SHOC1: variants seen among roughly 807,000 people sequenced by gnomAD.
SHOC1 encodes the protein shortage in chiasmata 1.
SHOC1 carries 136 observed loss-of-function variants against 179.2 expected under a neutral mutation model. That is an observed-to-expected ratio of 0.76 (90% confidence interval 0.66 to 0.87). The LOEUF (loss-of-function observed/expected upper bound fraction) is 0.87. Ranked by LOEUF, SHOC1 falls within the 40% of genes least tolerant of loss-of-function variation. The pLI is 0.00. For missense variants in SHOC1, 1,538 were observed against 1,700.8 expected, an observed-to-expected ratio of 0.90 and a Z score of 1.68; for synonymous variants, 489 against 586.6, an observed-to-expected ratio of 0.83 and a Z score of 2.41.
chr9:111,738,370 G>C lies in SHOC1; in HGVS notation c.1327C>G (p.His443Asp), dbSNP rs373320053. ...TCATGACATAAATATGTATTCAGAT[G>C]TTCCAATGTTTCCATCATTTTCAGA... Reference protein sequence around the residue: ...LNLKMMETLEHLNTYLCHDNL... With the variant: ...LNLKMMETLEDLNTYLCHDNL... Residue 443 changes from histidine (H) to aspartate (D), a missense_variant, in exon 12 of 28, where the codon CAT becomes GAT. Physicochemically the swap from His to Asp is moderately conservative, Grantham distance 81. Transcript: ENST00000682961. 6.2e-7 allele frequency: 1 copy of C among 1,612,832 alleles called. No individual in the cohort carries two copies. The highest frequency in any genetic ancestry group is 8.5e-7 in the Non-Finnish European group (1 of 1,179,580).
At chr9:111,709,603 T>C (rs766955961) in intron 18 of SHOC1, among the ~76,000 whole-genome samples, 1 of 152,218 alleles carries the variant, frequency 6.6e-6, no homozygotes, top group Non-Finnish European at 1.5e-5. Context: ...GTAGACCTTG[T>C]TGAAATGAAG....
chr9:111,719,743 T>C (rs1476638549), intron 15 of SHOC1, among the ~76,000 whole-genome samples: 2 of 152,180 alleles, frequency 1.3e-5, no homozygotes, highest in Admixed American at 6.5e-5. Flanking sequence ...AGATCAGGTA[T>C]TCTATCTCAG....
At chr9:111,738,633 A>G (rs1009851901) in intron 11 of SHOC1, 111 bp from the exon 12 acceptor site, 3 of 1,005,264 alleles carry the variant, frequency 3.0e-6, no homozygotes, top group African/African-American at 3.4e-5. Context: ...ATTTTTATGC[A>G]TTAGAAAATA....
chr9:111,713,384 A>T (rs12003864), intron 17 of SHOC1, among the ~76,000 whole-genome samples: 5 of 152,164 alleles, frequency 3.3e-5, no homozygotes, highest in African/African-American at 1.2e-4. Flanking sequence ...ATATTTTGGG[A>T]TAGGGCATTC....
chr9:111,711,850 T>C (rs1832567847), intron 18 of SHOC1, among the ~76,000 whole-genome samples: 1 of 152,202 alleles, frequency 6.6e-6, no homozygotes, highest in Non-Finnish European at 1.5e-5. Flanking sequence ...TGTGATTCTC[T>C]CCAATAGCGC....
intron 8 of SHOC1, among the ~76,000 whole-genome samples, chr9:111,751,306 G>C (rs60434641): frequency 2.6e-5 from 4 of 152,254 alleles, no homozygotes; most frequent in Non-Finnish European, 5.9e-5. Context: ...TTTTTGCTTA[G>C]GATTATCTTG....
chr9:111,792,032 T>G (rs769749996), intron 1 of SHOC1, among the ~76,000 whole-genome samples: 81 of 152,340 alleles, frequency 5.3e-4, no homozygotes, highest in Non-Finnish European at 9.7e-4. Flanking sequence ...TGAAACTGTT[T>G]CCATTCTCTT....
At chr9:111,743,577 C>G (rs1834135156) in intron 10 of SHOC1, among the ~76,000 whole-genome samples, 1 of 152,130 alleles carries the variant, frequency 6.6e-6, no homozygotes, top group African/African-American at 2.4e-5. Context: ...TTCAAGTAAC[C>G]CCTTCTGTAT....
intron 18 of SHOC1, among the ~76,000 whole-genome samples, chr9:111,710,696 A>T (rs1367962126): frequency 1.3e-5 from 2 of 152,260 alleles, no homozygotes; most frequent in African/African-American, 4.8e-5. Context: ...GTATGCACAT[A>T]ATGGCCTGAG....
chr9:111,694,091 C>T (rs946667199), intron 25 of SHOC1, 140 bp downstream of exon 25: 1 of 1,078,728 alleles, frequency 9.3e-7, no homozygotes, highest in Non-Finnish European at 1.3e-6. Flanking sequence ...CTACTCGTTG[C>T]AGCAGATTAA....
chr9:111,791,378 TATAA>T lies in SHOC1; in HGVS notation c.37_40del (p.Leu13MetfsTer30), dbSNP rs1263830913. On this transcript the variant is annotated frameshift_variant, in exon 2 of 28. Transcript: ENST00000682961. LOFTEE classifies it high-confidence loss of function. ...AGTAAGCCACTAACACTCTACCTCA[TATAA>T]ATAGTCTATTGCATGATATTTCAAT... The T allele has an allele frequency of 6.8e-7, 1 of 1,471,614 alleles. No homozygotes were observed. Among genetic ancestry groups the T allele is most frequent in the Non-Finnish European group, 9.0e-7 (1 of 1,105,628 alleles). 91.2% of individuals were successfully genotyped at this position (1,471,614 alleles called of 1,614,324 possible).
chr9:111,720,940 T>G (rs77854638), intron 15 of SHOC1, among the ~76,000 whole-genome samples: 1,705 of 152,350 alleles, frequency 0.011, 30 homozygotes, highest in African/African-American at 0.037. Context: ...GATTGTACTC[T>G]CCTGCCTCTT....
intron 2 of SHOC1, among the ~76,000 whole-genome samples, chr9:111,788,577 A>G (rs997659604): frequency 1.3e-5 from 2 of 152,212 alleles, no homozygotes; most frequent in African/African-American, 4.8e-5. Context: ...GTATTTTCCT[A>G]CAGATATTTT....
intron 18 of SHOC1, 69 bp downstream of exon 18, chr9:111,713,031 G>A: frequency 1.0e-6 from 1 of 961,508 alleles, no homozygotes; most frequent in African/African-American, 1.7e-5. Context: ...TTAAAAGCTG[G>A]TTAGATCAAT....
intron 9 of SHOC1, 52 bp downstream of exon 9, chr9:111,748,040 C>A: frequency 8.2e-7 from 1 of 1,215,710 alleles, no homozygotes; most frequent in East Asian, 2.3e-5. Context: ...TGTACTTTTA[C>A]ATCATAAATA....
chr9:111,703,876 T>A lies in SHOC1; in HGVS notation c.2967+5A>T. The stretch of plus-strand genomic sequence containing the variant: ...TTAGTTTATATATTTTCTACCTAGT[T>A]TTACCTGCAAAATTATGGCAGTGTG... On this transcript the variant is annotated splice_donor_5th_base_variant and intron_variant, in intron 22 of 27. Coordinates refer to ENST00000682961, the MANE Select transcript of SHOC1 (RefSeq NM_001378211.1). The A allele has an allele frequency of 6.6e-7, 1 of 1,513,392 alleles. No individual in the cohort carries two copies. The highest frequency in any genetic ancestry group is 9.1e-7 in the Non-Finnish European group (1 of 1,094,066). 93.7% of individuals were successfully genotyped at this position (1,513,392 alleles called of 1,614,324 possible).
At chr9:111,722,730 T>A (rs1564125812) in intron 14 of SHOC1, 145 bp from the exon 15 acceptor site, 1 of 177,404 alleles carries the variant, frequency 5.6e-6, no homozygotes, top group Non-Finnish European at 9.6e-6. Context: ...GTATAAAAAC[T>A]TATTTTAAGA....
chr9:111,705,313 G>T lies in SHOC1; in HGVS notation c.2789C>A (p.Pro930Gln). ...TCCTTCAGATGCAAAAAACACATAT[G>T]GAATCTGAATTTCCAAAAGAAAACC... ...FGGFLLEIQI[P>Q]YVFFASEGLL... is the part of the protein sequence containing the mutation. Residue 930 changes from proline (P) to glutamine (Q), a missense_variant, in exon 21 of 28, where the codon CCA (proline) becomes CAA (glutamine). By Grantham distance (76) the Pro-to-Gln change is moderately conservative (BLOSUM62 -1). Transcript: ENST00000682961. 6.3e-7 allele frequency: 1 copy of T among 1,591,730 alleles called. No homozygotes were observed. Among genetic ancestry groups the T allele is most frequent in the Non-Finnish European group, 8.6e-7 (1 of 1,169,332 alleles).
chr9:111,732,703 CAT>C (rs1353021928), intron 12 of SHOC1, among the ~76,000 whole-genome samples: 1 of 151,818 alleles, frequency 6.6e-6, no homozygotes, highest in African/African-American at 2.4e-5. Flanking sequence ...ATAGGGGAAA[CAT>C]ATAATACATA....
Sources: allele counts gnomAD v4.1 joint callset (sites outside exome capture counted in the v4.1 genomes callset), GRCh38; gene constraint gnomAD v4.1.1; transcripts MANE v1.5; gene names NCBI Gene and HGNC (gene_info 2026-07-23, HGNC 2026-07-21).